Variants in ZIK1 observed in about 807,000 individuals in gnomAD.
The protein encoded by ZIK1 is zinc finger protein interacting with K protein 1.
A neutral mutation model predicts 10.7 loss-of-function variants in ZIK1; 12 were observed. The observed-to-expected ratio is 1.12, with a 90% CI of 0.72 to 1.81. The LOEUF is 1.81. ZIK1 is among the 40% of genes most tolerant of loss of function. ZIK1 has a pLI of 0.00. For synonymous variants in ZIK1, 190 were observed against 205.0 expected, an observed-to-expected ratio of 0.93 and a Z score of 0.63; for missense variants, 497 against 585.7, an observed-to-expected ratio of 0.85 and a Z score of 1.56.
chr19:57,584,858 C>T (rs1978985700), intron 1 of ZIK1, 94 bp from the exon 2 acceptor site: 1 of 1,424,776 alleles, frequency 7.0e-7, no homozygotes, highest in East Asian at 2.3e-5. Flanking sequence ...ATCCTCAGTC[C>T]ACCTGGCTCT....
rs1287920188 is a variant in ZIK1 at position 57,584,167 on chromosome 19, C to T, written c.-190C>T. ...TTCAGTGGCGGTCATTTTTGCAGCG[C>T]TTGGGTGCATCCAGACCGTCAGAGC... On this transcript the variant is annotated 5_prime_UTR_variant, in exon 1 of 4. Transcript: ENST00000597850. 8.0e-6 allele frequency: 9 copies of T among 1,129,046 alleles called. No individual in the cohort carries two copies. Among genetic ancestry groups the T allele is most frequent in the Non-Finnish European group, 9.7e-6 (8 of 826,658 alleles). The allele number at this position is 1,129,046 out of a possible 1,614,324, so 69.9% of individuals were successfully genotyped here.
In ZIK1 at chr19:57,584,178, C is replaced by T. The variant is rs1365036642; in HGVS notation, c.-179C>T. 3.2e-6 allele frequency: 4 copies of T among 1,246,086 alleles called. No individual in the cohort carries two copies. The highest frequency in any genetic ancestry group is 1.5e-5 in the African/African-American group (1 of 65,406). 77.2% of individuals were successfully genotyped at this position (1,246,086 alleles called of 1,614,324 possible). ...TCATTTTTGCAGCGCTTGGGTGCAT[C>T]CAGACCGTCAGAGCTTTGGGAGCGC... is the stretch of plus-strand genomic sequence containing the variant. On this transcript the variant is annotated 5_prime_UTR_variant, in exon 1 of 4. Transcript: ENST00000597850.
At chr19:57,584,519 G>A in intron 1 of ZIK1, 130 bp downstream of exon 1, 2 of 1,433,284 alleles carry the variant, frequency 1.4e-6, no homozygotes, top group South Asian at 1.5e-5. Flanking sequence ...CAGAACTTGG[G>A]TGATGGGGCA....
chr19:57,586,891 C>A (rs957698411), intron 2 of ZIK1, among the ~76,000 whole-genome samples: 1 of 152,158 alleles, frequency 6.6e-6, no homozygotes, highest in Non-Finnish European at 1.5e-5. Context: ...TTTACTCATA[C>A]TGATTTACTG....
At chr19:57,584,853 C>T in intron 1 of ZIK1, 99 bp from the exon 2 acceptor site, 2 of 1,381,866 alleles carry the variant, frequency 1.4e-6, no homozygotes, top group African/African-American at 1.4e-5. Flanking sequence ...CAGGCATCCT[C>T]AGTCCACCTG....
intron 1 of ZIK1, 81 bp downstream of exon 1, chr19:57,584,470 T>G: frequency 6.5e-7 from 1 of 1,527,082 alleles, no homozygotes; most frequent in Admixed American, 2.0e-5. Context: ...GATCCTCATG[T>G]CCAGTACAGT....
intron 2 of ZIK1, among the ~76,000 whole-genome samples, chr19:57,585,796 C>G (rs1979094703): frequency 6.6e-6 from 1 of 152,108 alleles, no homozygotes; most frequent in African/African-American, 2.4e-5. Context: ...GCAACCTCCA[C>G]CTCCCGGGTT....
rs1287573480 is a variant in ZIK1 at position 57,591,792 on chromosome 19, C to T, written c.*517C>T. On this transcript the variant is annotated 3_prime_UTR_variant, in exon 4 of 4. Transcript: ENST00000597850. ...TGGTGAATGGCTGCCTCACATTGCT[C>T]CAGTTTGTGCACTAATAAAAGCCTT... 2 of 156,260 alleles carry T rather than the reference C, an allele frequency of 1.3e-5. No homozygotes were observed. Among genetic ancestry groups the T allele is most frequent in the Non-Finnish European group, 2.8e-5 (2 of 70,508 alleles). The allele number at this position is 156,260 out of a possible 1,614,324, so 9.7% of individuals were successfully genotyped here.
chr19:57,591,378 G>A lies in ZIK1; in HGVS notation c.*103G>A, dbSNP rs955556565. On this transcript the variant is annotated 3_prime_UTR_variant, in exon 4 of 4. Transcript: ENST00000597850. ...TTAAGTAGAGCCTTAGACCTACAGG[G>A]AAAGTGCTGTCTCTGTAGTATTGTA... is the stretch of plus-strand genomic sequence containing the variant. The A allele has an allele frequency of 2.2e-5, 26 of 1,187,290 alleles. No homozygotes were observed. The East Asian group carries it at 5.9e-4, about 27-fold the overall frequency. 73.5% of individuals were successfully genotyped at this position (1,187,290 alleles called of 1,614,324 possible).
At chr19:57,584,832 C>T in intron 1 of ZIK1, 120 bp from the exon 2 acceptor site, 1 of 1,258,252 alleles carries the variant, frequency 7.9e-7, no homozygotes, top group Non-Finnish European at 1.1e-6. Flanking sequence ...CGCTGAGGCT[C>T]AGAAATAATG....
chr19:57,584,312 G>T lies in ZIK1; in HGVS notation c.-45G>T. ...TTGACGGCTTTGCCTAGGTCCCTCC[G>T]CCCGTAGCTGTCGGGTCCCGGCCCC... On this transcript the variant is annotated 5_prime_UTR_variant, in exon 1 of 4. Transcript: ENST00000597850. The T allele has an allele frequency of 6.4e-7, 1 of 1,558,840 alleles. No individual in the cohort carries two copies.
At position 57,588,663 on chromosome 19, in the gene ZIK1, TG is replaced by T; in HGVS notation, c.199+1del. 6.4e-7 allele frequency: 1 copy of T among 1,555,618 alleles called. No individual in the cohort carries two copies. The highest frequency in any genetic ancestry group is 8.7e-7 in the Non-Finnish European group (1 of 1,147,714). On this transcript the variant is annotated frameshift_variant and splice_region_variant, in exon 3 of 4. Transcript: ENST00000597850. LOFTEE classifies it low-confidence loss of function (END_TRUNC). ...GAGAACTTTGCCCTTGTAGCCTCAC[TG>T]GGTAAGGCCCTAATACCAACTCCAG... The part of the protein sequence containing the change: ...MLENFALVAS[L>X]GCGHGTEDEE...
In ZIK1 at chr19:57,591,337, T is replaced by C; in HGVS notation, c.*62T>C. 3.3e-6 allele frequency: 5 copies of C among 1,494,324 alleles called. No homozygotes were observed. The highest frequency in any genetic ancestry group is 4.5e-6 in the Non-Finnish European group (5 of 1,105,878). The allele number at this position is 1,494,324 out of a possible 1,614,324, so 92.6% of individuals were successfully genotyped here. The stretch of plus-strand genomic sequence containing the variant: ...AACTCAAGATCTATCATCATTTAGC[T>C]CCTGAAAGTCCACACTTAAGTAGAG... On this transcript the variant is annotated 3_prime_UTR_variant, in exon 4 of 4. Coordinates refer to ENST00000597850, the MANE Select transcript of ZIK1 (RefSeq NM_001010879.4).
chr19:57,584,942 C>T lies in ZIK1; in HGVS notation c.34-10C>T. The T allele has an allele frequency of 6.2e-7, 1 of 1,613,824 alleles. No individual in the cohort carries two copies. The highest frequency in any genetic ancestry group is 8.5e-7 in the Non-Finnish European group (1 of 1,179,850). ...GTCACCTGCCTTTCATGATCTTTGG[C>T]TTTCCACAGGTTACTGTGTCTCCAG... On this transcript the variant is annotated splice_polypyrimidine_tract_variant and intron_variant, in intron 1 of 3. Transcript: ENST00000597850.
intron 2 of ZIK1, among the ~76,000 whole-genome samples, chr19:57,585,986 G>A (rs1979121114): frequency 6.6e-6 from 1 of 151,330 alleles, no homozygotes; most frequent in South Asian, 2.1e-4. Context: ...ACCTGTCTTG[G>A]CCTCCCAAAG....
chr19:57,591,314 C>T lies in ZIK1; in HGVS notation c.*39C>T, dbSNP rs764947824. ...GCAGCAAATGTGGAAGCGCCTTCAA[C>T]TCAAGATCTATCATCATTTAGCTCC... On this transcript the variant is annotated 3_prime_UTR_variant, in exon 4 of 4. Coordinates refer to ENST00000597850, the MANE Select transcript of ZIK1 (RefSeq NM_001010879.4). 9.0e-6 allele frequency: 14 copies of T among 1,552,368 alleles called. No homozygotes were observed. The highest frequency in any genetic ancestry group is 1.2e-5 in the Non-Finnish European group (14 of 1,148,176).
intron 2 of ZIK1, 91 bp downstream of exon 2, chr19:57,585,081 C>A: frequency 8.0e-7 from 1 of 1,252,926 alleles, no homozygotes; most frequent in Admixed American, 2.4e-5. Context: ...GTTCTTTGAC[C>A]TAAGGACTCT....
Position 57,590,373 on chromosome 19 carries a change from T to A in ZIK1, c.562T>A (p.Phe188Ile), listed in dbSNP as rs374096583. Residue 188 changes from phenylalanine (F) to isoleucine (I), a missense_variant, in exon 4 of 4, where the codon TTT (phenylalanine) becomes ATT (isoleucine). Physicochemically the swap from Phe to Ile is conservative, Grantham distance 21 (BLOSUM62 0). Coordinates refer to ENST00000597850, the MANE Select transcript of ZIK1 (RefSeq NM_001010879.4). Reference protein sequence around the residue: ...AMLRLLRSLVFPGGKKPGTIT... With the variant: ...AMLRLLRSLVIPGGKKPGTIT... The stretch of plus-strand genomic sequence containing the variant: ...GTTGCGGCTTCTGAGGTCCCTGGTC[T>A]TTCCTGGAGGCAAGAAACCCGGCAC... 1 of 1,614,198 alleles carries A rather than the reference T, an allele frequency of 6.2e-7. No homozygotes were observed. Among genetic ancestry groups the A allele is most frequent in the Non-Finnish European group, 8.5e-7 (1 of 1,180,016 alleles).
chr19:57,592,302 CTGTACTGTG>C lies in ZIK1; in HGVS notation c.*1036_*1044del, dbSNP rs1256953875. Reference sequence around the variant, plus strand: ...TTGGTACAGAAATACCTGGGTATTTCTGTACTGTGTGTACTGTAGCAAACTAGTTGGAAT... The same window carrying C: ...TTGGTACAGAAATACCTGGGTATTTCTGTACTGTAGCAAACTAGTTGGAAT... On this transcript the variant is annotated 3_prime_UTR_variant, in exon 4 of 4. Transcript: ENST00000597850. The C allele has an allele frequency of 6.6e-6, 1 of 152,112 alleles. No individual in the cohort carries two copies. The highest frequency in any genetic ancestry group is 2.4e-5 in the African/African-American group (1 of 41,408). The allele number at this position is 152,112 out of a possible 1,614,324, so 9.4% of individuals were successfully genotyped here.
Sources: gnomAD v4.1 joint callset for allele counts (sites outside exome capture counted in the v4.1 genomes callset) on GRCh38, gnomAD v4.1.1 for gene constraint, MANE v1.5 for transcripts, NCBI Gene and HGNC (gene_info 2026-07-23, HGNC 2026-07-21) for gene names.